Variants in KIF5C observed in about 807,000 individuals in gnomAD.
The protein encoded by KIF5C is kinesin heavy chain isoform 5C.
Under a neutral mutation model 125.2 loss-of-function variants are expected in KIF5C, and 18 were observed. That is an observed-to-expected ratio of 0.14 (90% CI 0.10 to 0.21). The LOEUF (loss-of-function observed/expected upper bound fraction) is 0.21. KIF5C is among the 10% of genes least tolerant of loss of function. The probability of loss-of-function intolerance (pLI) is 1.00; values close to 1 mark genes in which losing one functional copy is unlikely to be tolerated. For synonymous variants in KIF5C, 405 were observed against 434.0 expected (o/e 0.93, Z 0.83); for missense variants, 780 against 1,183.8 (o/e 0.66, Z 5.01).
At chr2:148,911,164 A>T (rs1681318968) in intron 1 of KIF5C, among the ~76,000 whole-genome samples, 3 of 152,218 alleles carry the variant, frequency 2.0e-5, no homozygotes, top group African/African-American at 4.8e-5. Flanking sequence ...CTAAAACTAC[A>T]GGAATGTTTG....
intron 19 of KIF5C, 133 bp from the exon 20 acceptor site, chr2:149,000,290 C>T: frequency 9.1e-7 from 1 of 1,100,352 alleles, no homozygotes; most frequent in Non-Finnish European, 1.2e-6. Flanking sequence ...GTTCTGTGAT[C>T]CCTCCAAATC....
At chr2:148,973,790 T>C (rs1004604039) in intron 12 of KIF5C, among the ~76,000 whole-genome samples, 45 of 152,320 alleles carry the variant, frequency 3.0e-4, no homozygotes, top group African/African-American at 1.1e-3. Context: ...GGCTGATTAC[T>C]GCATGAAAGG....
intron 2 of KIF5C, among the ~76,000 whole-genome samples, chr2:148,925,266 A>T (rs1681946157): frequency 6.6e-6 from 1 of 152,152 alleles, no homozygotes; most frequent in Non-Finnish European, 1.5e-5. Flanking sequence ...ATGGGAGATG[A>T]GGCTGGGACA....
chr2:148,997,493 G>A (rs1258097935), intron 18 of KIF5C, 153 bp downstream of exon 18: 36 of 1,382,184 alleles, frequency 2.6e-5, no homozygotes, highest in Non-Finnish European at 3.4e-5. Context: ...CGATCTCAGA[G>A]TATAGCCTGG....
Position 148,924,916 on chromosome 2 carries a change from G to A in KIF5C, c.217+2689G>A, listed in dbSNP as rs141444598. Among the ~76,000 whole-genome samples, 898 of 152,318 alleles carry A rather than the reference G, an allele frequency of 5.9e-3. 8 individuals are homozygous for A. The highest frequency in any genetic ancestry group is 0.021 in the African/African-American group (861 of 41,556). The stretch of plus-strand genomic sequence containing the variant: ...ATAAGTACTTACCGTGGGGTAAGCA[G>A]TGCTGGGACTGGAGTCGCCATGCTA... On this transcript the variant is annotated intron_variant, in intron 2 of 25. Transcript: ENST00000435030. This position sits in a 1 kb window ranked among gnomAD's most constrained non-coding sequence, Gnocchi z 4.0.
chr2:149,010,078 G>A, intron 23 of KIF5C, 57 bp from the exon 24 acceptor site: 2 of 1,496,868 alleles, frequency 1.3e-6, no homozygotes, highest in Non-Finnish European at 1.8e-6. Context: ...GGCTGCTCTG[G>A]TTTGTGCAAT....
intron 1 of KIF5C, among the ~76,000 whole-genome samples, chr2:148,913,590 G>T (rs1324345064): frequency 6.6e-6 from 1 of 152,166 alleles, no homozygotes; most frequent in East Asian, 1.9e-4. Flanking sequence ...GAAAGCTTTT[G>T]TTTTTGATTT....
chr2:148,897,018 AGATGGGGTTTCAC>A (rs1458624215), intron 1 of KIF5C, among the ~76,000 whole-genome samples: 1 of 152,110 alleles, frequency 6.6e-6, no homozygotes, highest in African/African-American at 2.4e-5. Context: ...TCTTTAGTAG[AGATGGGGTTTCAC>A]GATGTTGGCC....
chr2:148,916,948 C>T (rs1488444842), intron 1 of KIF5C, among the ~76,000 whole-genome samples: 1 of 152,130 alleles, frequency 6.6e-6, no homozygotes, highest in Non-Finnish European at 1.5e-5. Context: ...ATTTATAAAA[C>T]ATGCTGATGG....
rs944262971 is a variant in KIF5C at position 148,876,913 on chromosome 2, T to C, written c.126+1170T>C. Among the ~76,000 whole-genome samples the C allele has an allele frequency of 1.3e-5, 2 of 152,194 alleles. No individual in the cohort carries two copies. The highest frequency in any genetic ancestry group is 4.8e-5 in the African/African-American group (2 of 41,466). Reference sequence around the variant, plus strand: ...CCCGTCCCCAGCATTGATTAAGTGATGTCATCCTGATCACTGAGCATGCTC... The same window carrying C: ...CCCGTCCCCAGCATTGATTAAGTGACGTCATCCTGATCACTGAGCATGCTC... On this transcript the variant is annotated intron_variant, in intron 1 of 25. Coordinates refer to ENST00000435030, the MANE Select transcript of KIF5C (RefSeq NM_004522.3). The surrounding 1 kb of genome is among the most constrained non-coding windows in gnomAD (Gnocchi z 4.7).
In KIF5C at chr2:148,876,749, G is replaced by C. The variant is rs1240859960; in HGVS notation, c.126+1006G>C. Among the ~76,000 whole-genome samples, 1 of 151,976 alleles carries C rather than the reference G, an allele frequency of 6.6e-6. No homozygotes were observed. The highest frequency in any genetic ancestry group is 1.5e-5 in the Non-Finnish European group (1 of 67,968). On this transcript the variant is annotated intron_variant, in intron 1 of 25. Coordinates refer to ENST00000435030, the MANE Select transcript of KIF5C (RefSeq NM_004522.3). This position sits in a 1 kb window ranked among gnomAD's most constrained non-coding sequence, Gnocchi z 4.7. ...CAGCTCGGTCCCCCGCCCCTTCCCC[G>C]CCCGCTGTCCGTAGCGTGTGTGGCT...
intron 1 of KIF5C, among the ~76,000 whole-genome samples, chr2:148,887,014 C>T (rs1681547018): frequency 6.6e-6 from 1 of 152,182 alleles, no homozygotes; most frequent in Non-Finnish European, 1.5e-5. Flanking sequence ...TCCTTAGTAA[C>T]ATTGCGCTGT....
At position 149,011,629 on chromosome 2, in the gene KIF5C, C is replaced by T. The variant is rs1227924385; in HGVS notation, c.2827C>T (p.Arg943Ter). ...ATCTCCAACGGCCGTCCATGCCATT[C>T]GAGGGGGAGGAGGCAGCTCTTCAAA... ...ASSPTAVHAI[R>*]GGGGSSSNST... Residue 943 changes from arginine to a stop codon, truncating the protein, a stop_gained, in exon 25 of 26, where the codon CGA becomes TGA. Coordinates refer to ENST00000435030, the MANE Select transcript of KIF5C (RefSeq NM_004522.3). LOFTEE classifies it high-confidence loss of function. 11 of 1,614,056 alleles carry T rather than the reference C, an allele frequency of 6.8e-6. No homozygotes were observed. Among genetic ancestry groups the T allele is most frequent in the Non-Finnish European group, 8.5e-6 (10 of 1,179,894 alleles).
intron 15 of KIF5C, among the ~76,000 whole-genome samples, chr2:148,984,033 A>G (rs1187107794): frequency 2.0e-5 from 3 of 152,222 alleles, no homozygotes; most frequent in Non-Finnish European, 2.9e-5. Context: ...TTATTTCTCA[A>G]ATTGGTTTAT....
At chr2:149,008,991 G>GTTTT (rs200099380) in intron 23 of KIF5C, among the ~76,000 whole-genome samples, 1 of 134,360 alleles carries the variant, frequency 7.4e-6, no homozygotes, top group Non-Finnish European at 1.6e-5. Flanking sequence ...TTTTTTTAAT[G>GTTTT]TTTTTTTTTT....
intron 1 of KIF5C, among the ~76,000 whole-genome samples, chr2:148,900,694 G>T (rs1680865126): frequency 6.6e-6 from 1 of 152,236 alleles, no homozygotes; most frequent in African/African-American, 2.4e-5. Flanking sequence ...TTGGGAAAGG[G>T]TTTGGCAAAT....
At chr2:148,951,985 A>G (rs1682676867) in intron 10 of KIF5C, among the ~76,000 whole-genome samples, 1 of 152,182 alleles carries the variant, frequency 6.6e-6, no homozygotes. Flanking sequence ...AATAATAATT[A>G]TATTGAAATG....
rs749045025 is a variant in KIF5C, at chr2:149,000,425, T to C, written c.2213T>C (p.Leu738Ser). Residue 738 changes from leucine to serine, a missense_variant and splice_region_variant, in exon 20 of 26, where the codon TTG becomes TCG. Leu to Ser is a moderately radical substitution (Grantham distance 145). Transcript: ENST00000435030. ...TTGCTTTTTCCTCTCAATTTCAGTT[T>C]GAATCAGAAACTGCAACTGGAACAG... Reference protein sequence around the residue: ...KQKIIDEIRDLNQKLQLEQEK... With the variant: ...KQKIIDEIRDSNQKLQLEQEK... 27 of 1,578,580 alleles carry C rather than the reference T, an allele frequency of 1.7e-5. No individual in the cohort carries two copies. Among genetic ancestry groups the C allele is most frequent in the Middle Eastern group, 1.7e-4 (1 of 6,028 alleles).
At chr2:149,012,541 G>A (rs1682241522) in intron 25 of KIF5C, among the ~76,000 whole-genome samples, 1 of 152,256 alleles carries the variant, frequency 6.6e-6, no homozygotes, top group African/African-American at 2.4e-5. Context: ...AGTCCTTTCT[G>A]CATCAAGGCA....
Sources: allele counts gnomAD v4.1 joint callset (sites outside exome capture counted in the v4.1 genomes callset), GRCh38; gene constraint gnomAD v4.1.1; non-coding constraint Gnocchi (gnomAD v3.1); transcripts MANE v1.5; gene names NCBI Gene and HGNC (gene_info 2026-07-23, HGNC 2026-07-21).